POM121: variants seen among roughly 807,000 people sequenced by gnomAD.
POM121 encodes POM121 transmembrane nucleoporin, also known as nuclear envelope pore membrane protein POM 121.
Under a neutral mutation model 81.3 loss-of-function variants are expected in POM121, and 32 were observed. That is an observed-to-expected ratio of 0.39 (90% CI 0.30 to 0.53). POM121 has a LOEUF of 0.53. Among genes scored for constraint, POM121 ranks in the 20% least tolerant of loss-of-function variants. The probability of loss-of-function intolerance (pLI) is 0.66; values close to 1 mark genes in which losing one functional copy is unlikely to be tolerated. For synonymous variants in POM121, 514 were observed against 694.2 expected, an observed-to-expected ratio of 0.74 and a Z score of 4.08; for missense variants, 1,138 against 1,614.6, an observed-to-expected ratio of 0.70 and a Z score of 5.06.
intron 3 of POM121, among the ~76,000 whole-genome samples, chr7:72,905,097 A>G (rs1793108219): frequency 1.3e-5 from 2 of 152,142 alleles, no homozygotes; most frequent in East Asian, 1.9e-4. Context: ...TTATTTTTCT[A>G]CAGTTCTCAT....
Position 72,925,640 on chromosome 7 carries a change from C to G in POM121, c.519C>G (p.Arg173=). 1.9e-6 allele frequency: 2 copies of G among 1,027,760 alleles called. No individual in the cohort carries two copies. The highest frequency in any genetic ancestry group is 2.4e-6 in the Non-Finnish European group (2 of 821,928). 63.7% of individuals were successfully genotyped at this position (1,027,760 alleles called of 1,614,324 possible). A position where few individuals can be genotyped will look rare whatever the true frequency, so the allele number is the denominator to read the frequency against. ...GCCCACCTGCCCGCCCGGCGCCGCGCTCCCCACCGCCGCGCTCCCCACCGC... is the reference window on the plus strand; with the variant it reads ...GCCCACCTGCCCGCCCGGCGCCGCGGTCCCCACCGCCGCGCTCCCCACCGC... ...GRRPPARPAP[R]SPPPRSPPPR... Residue 173 remains arginine (R), a synonymous_variant, in exon 1 of 13, where the codon CGC becomes CGG. Coordinates refer to ENST00000434423, the MANE Select transcript of POM121 (RefSeq NM_001387691.1).
In POM121 at chr7:72,925,126, C is replaced by G; in HGVS notation, c.5C>G (p.Ser2Cys). Residue 2 changes from serine to cysteine, a missense_variant, in exon 1 of 13, where the codon TCT (serine) becomes TGT (cysteine). Transcript: ENST00000434423. M[S>C]PAAAAAGAGE... The stretch of plus-strand genomic sequence containing the variant: ...CCTCCGCGGCGCGGAGCCGCGATGT[C>G]TCCGGCGGCTGCGGCGGCTGGAGCA... 7.0e-7 allele frequency: 1 copy of G among 1,427,804 alleles called. No individual in the cohort carries two copies. Among genetic ancestry groups the G allele is most frequent in the South Asian group, 1.5e-5 (1 of 67,774 alleles). 88.4% of individuals were successfully genotyped at this position (1,427,804 alleles called of 1,614,324 possible). A position where few individuals can be genotyped will look rare whatever the true frequency, so the allele number is the denominator to read the frequency against.
intron 3 of POM121, among the ~76,000 whole-genome samples, chr7:72,900,608 G>A (rs1377968711): frequency 2.6e-5 from 4 of 152,038 alleles, no homozygotes; most frequent in South Asian, 2.1e-4. Context: ...GGGTTCAAGC[G>A]ATTCTCTTAC....
chr7:72,930,428 C>T (rs1367821387), intron 5 of POM121, among the ~76,000 whole-genome samples: 6 of 152,072 alleles, frequency 3.9e-5, no homozygotes, highest in African/African-American at 1.4e-4. Context: ...CAATATAGGC[C>T]AGCGGAATGG....
chr7:72,923,325 A>G (rs1220020222), upstream of POM121, among the ~76,000 whole-genome samples: 13 of 151,902 alleles, frequency 8.6e-5, no homozygotes, highest in African/African-American at 3.1e-4. Flanking sequence ...GAACAATTCC[A>G]TCTCTGGACT....
At chr7:72,927,604 G>A (rs1376526684) in intron 3 of POM121, among the ~76,000 whole-genome samples, 3 of 151,996 alleles carry the variant, frequency 2.0e-5, no homozygotes, top group South Asian at 2.1e-4. Flanking sequence ...CAGCTACTCG[G>A]AAGGCTGAGA....
exon 2 of POM121, chr7:72,890,708 T>C (rs1481930334): frequency 1.2e-5 from 20 of 1,601,760 alleles, no homozygotes; most frequent in Non-Finnish European, 1.6e-5. Context: ...GAAGATAACA[T>C]ACGGGGATGT....
intron 9 of POM121, 101 bp downstream of exon 9, chr7:72,940,617 C>G (rs1796970542): frequency 1.7e-6 from 1 of 601,912 alleles, no homozygotes; most frequent in African/African-American, 1.9e-5. Context: ...GGGAAAATCC[C>G]AAGTAGGGTT....
chr7:72,945,543 T>C lies in POM121; in HGVS notation c.3530-43T>C, dbSNP rs379064. The C allele has an allele frequency of 8.3e-3, 13,348 of 1,606,032 alleles. 143 individuals are homozygous for C. The highest frequency in any genetic ancestry group is 0.015 in the Admixed American group (865 of 58,874). ...TCCTGCCCGGCTCCTCGCTTGCCTCTGCCCTCTGCTCACTGGCCAGCTCTC... is the reference window on the plus strand; with the variant it reads ...TCCTGCCCGGCTCCTCGCTTGCCTCCGCCCTCTGCTCACTGGCCAGCTCTC... On this transcript the variant is annotated intron_variant, in intron 11 of 12. Transcript: ENST00000434423.
At chr7:72,910,278 T>A (rs1793675911) in intron 3 of POM121, among the ~76,000 whole-genome samples, 1 of 152,258 alleles carries the variant, frequency 6.6e-6, no homozygotes, top group Admixed American at 6.5e-5. Context: ...CTTTTTAATA[T>A]ACTTTCACTC....
intron 1 of POM121, among the ~76,000 whole-genome samples, chr7:72,883,211 T>G (rs1230014165): frequency 1.3e-5 from 2 of 152,180 alleles, no homozygotes; most frequent in African/African-American, 4.8e-5. Flanking sequence ...CGCTAATTTT[T>G]TTTGTATTTT....
chr7:72,948,794 A>C (rs782197064), downstream of POM121: 1 of 1,568,210 alleles, frequency 6.4e-7, no homozygotes, highest in Non-Finnish European at 8.8e-7. Flanking sequence ...CCGGGCAGGC[A>C]GGGCGGGAGC....
At chr7:72,948,666 A>G (rs781970779), downstream of POM121, 2 of 1,605,086 alleles carry the variant, frequency 1.2e-6, no homozygotes, top group East Asian at 4.5e-5. Context: ...CCACTCACTC[A>G]CGTCGGCATC....
intron 7 of POM121, 112 bp downstream of exon 7, chr7:72,939,521 C>T: frequency 7.0e-7 from 1 of 1,433,662 alleles, no homozygotes; most frequent in African/African-American, 1.4e-5. Context: ...ATGTCTAAGG[C>T]ATGTTAGATA....
chr7:72,905,642 G>C (rs782342745), intron 3 of POM121, among the ~76,000 whole-genome samples: 2 of 152,222 alleles, frequency 1.3e-5, no homozygotes, highest in Non-Finnish European at 2.9e-5. Flanking sequence ...GGAGGTTGCA[G>C]TAAGCCAAGA....
intron 3 of POM121, among the ~76,000 whole-genome samples, chr7:72,908,480 T>C (rs1793490578): frequency 6.6e-6 from 1 of 152,196 alleles, no homozygotes; most frequent in Non-Finnish European, 1.5e-5. Context: ...TTAAAATTGC[T>C]AATGAAGTTT....
chr7:72,915,086 C>T (rs1198970287), intron 4 of POM121, among the ~76,000 whole-genome samples: 2 of 152,180 alleles, frequency 1.3e-5, no homozygotes, highest in Non-Finnish European at 2.9e-5. Flanking sequence ...TTGTTAGCAA[C>T]AATCTTGAGA....
rs1554496845 is a variant in POM121 at position 72,925,189 on chromosome 7, G to A, written c.68G>A (p.Gly23Asp). 1.3e-6 allele frequency: 2 copies of A among 1,501,218 alleles called. No homozygotes were observed. Among genetic ancestry groups the A allele is most frequent in the South Asian group, 2.4e-5 (2 of 81,826 alleles). 93.0% of individuals were successfully genotyped at this position (1,501,218 alleles called of 1,614,324 possible). Residue 23 changes from glycine to aspartate, a missense_variant, in exon 1 of 13, where the codon GGC (glycine) becomes GAC (aspartate). Coordinates refer to ENST00000434423, the MANE Select transcript of POM121 (RefSeq NM_001387691.1). ...CGGCCCATAGCGAGTGTCAGGGACG[G>A]CCGGGGCCGGGGCTGCGGCGGGCCG... is the stretch of plus-strand genomic sequence containing the variant. ...RRRPIASVRD[G>D]RGRGCGGPAR...
chr7:72,944,468 T>C (rs1797461142), intron 11 of POM121, among the ~76,000 whole-genome samples: 1 of 151,858 alleles, frequency 6.6e-6, no homozygotes, highest in Non-Finnish European at 1.5e-5. Flanking sequence ...GAACATCATA[T>C]TAAAAAGTGT....
Sources: allele counts gnomAD v4.1 joint callset (sites outside exome capture counted in the v4.1 genomes callset), GRCh38; gene constraint gnomAD v4.1.1; transcripts MANE v1.5; gene names NCBI Gene and HGNC (gene_info 2026-07-23, HGNC 2026-07-21).